MSRA: variants seen among roughly 807,000 people sequenced by gnomAD.
MSRA encodes methionine sulfoxide reductase A, also known as mitochondrial peptide methionine sulfoxide reductase.
In MSRA, 54 loss-of-function variants were observed where a neutral mutation model predicts 31.3. The ratio of observed to expected loss-of-function variants is 1.73; its 90% confidence interval spans 1.39 to 2.17. The LOEUF is 2.17. MSRA is among the 30% of genes most tolerant of loss of function. The pLI is 0.00. For missense variants in MSRA, 507 were observed against 300.9 expected, an observed-to-expected ratio of 1.69 and a Z score of -5.07; for synonymous variants, 169 against 116.5, an observed-to-expected ratio of 1.45 and a Z score of -2.90.
intron 1 of MSRA, among the ~76,000 whole-genome samples, chr8:10,097,516 A>G (rs919616276): frequency 1.3e-5 from 2 of 152,250 alleles, no homozygotes; most frequent in South Asian, 2.1e-4. Context: ...TCAGCAAACA[A>G]GTTTAAATTG....
intron 1 of MSRA, among the ~76,000 whole-genome samples, chr8:10,069,237 G>C (rs926624879): frequency 6.6e-6 from 1 of 152,044 alleles, no homozygotes; most frequent in Non-Finnish European, 1.5e-5. Flanking sequence ...TTCCCAATCT[G>C]TACACCTTTT....
intron 1 of MSRA, among the ~76,000 whole-genome samples, chr8:10,128,443 G>C (rs1801657818): frequency 6.6e-6 from 1 of 152,084 alleles, no homozygotes; most frequent in South Asian, 2.1e-4. Flanking sequence ...AACACGTTCA[G>C]GATCATATAC....
At chr8:10,412,116 C>T (rs189917881) in intron 5 of MSRA, among the ~76,000 whole-genome samples, 11 of 152,268 alleles carry the variant, frequency 7.2e-5, no homozygotes, top group Admixed American at 6.5e-4. Context: ...ATTTTTTTCG[C>T]CATTCATAAA....
chr8:10,427,251 G>T (rs1251169511), intron 5 of MSRA, among the ~76,000 whole-genome samples: 2 of 152,206 alleles, frequency 1.3e-5, no homozygotes, highest in Non-Finnish European at 2.9e-5. Flanking sequence ...CATGCTTCAA[G>T]CAGCCTGCAA....
intron 3 of MSRA, among the ~76,000 whole-genome samples, chr8:10,270,986 A>G (rs1014292820): frequency 9.2e-5 from 14 of 151,488 alleles, no homozygotes; most frequent in South Asian, 2.1e-4. Context: ...GCTTTATTTT[A>G]TTTCAAACCC....
At chr8:10,089,383 A>T (rs1798747731) in intron 1 of MSRA, among the ~76,000 whole-genome samples, 1 of 152,216 alleles carries the variant, frequency 6.6e-6, no homozygotes, top group Non-Finnish European at 1.5e-5. Context: ...TTTGAGCTTG[A>T]ATCAAAAGGT....
At chr8:10,257,027 C>G (rs7001567) in intron 3 of MSRA, among the ~76,000 whole-genome samples, 5,325 of 152,170 alleles carry the variant, frequency 0.035, 295 homozygotes, top group African/African-American at 0.12. Flanking sequence ...ATATATTGTA[C>G]CCAGCATTTT....
chr8:10,227,077 C>T (rs1239554106), intron 2 of MSRA, among the ~76,000 whole-genome samples: 2 of 152,182 alleles, frequency 1.3e-5, no homozygotes, highest in Non-Finnish European at 2.9e-5. Context: ...TGTGGCTCCA[C>T]TGTCCTTCAG....
At chr8:10,098,786 T>G (rs542934084) in intron 1 of MSRA, among the ~76,000 whole-genome samples, 59 of 152,326 alleles carry the variant, frequency 3.9e-4, no homozygotes, top group African/African-American at 1.4e-3. Context: ...GACAGACATG[T>G]AAAATAAGCA....
chr8:10,064,287 G>C (rs1797349331), intron 1 of MSRA, among the ~76,000 whole-genome samples: 1 of 152,190 alleles, frequency 6.6e-6, no homozygotes, highest in African/African-American at 2.4e-5. Context: ...AGACCTGCGT[G>C]TCCTCTGGGT....
intron 5 of MSRA, among the ~76,000 whole-genome samples, chr8:10,417,321 G>T (rs955647451): frequency 6.6e-6 from 1 of 152,014 alleles, no homozygotes; most frequent in Non-Finnish European, 1.5e-5. Context: ...AGTGATTGAT[G>T]ACTCACAGGG....
intron 4 of MSRA, 56 bp downstream of exon 4, chr8:10,301,694 T>C: frequency 1.4e-6 from 2 of 1,418,872 alleles, no homozygotes; most frequent in Non-Finnish European, 9.9e-7. Context: ...GCTGGGATAA[T>C]TAGTGTTTGA....
intron 1 of MSRA, among the ~76,000 whole-genome samples, chr8:10,099,962 T>A (rs1799425916): frequency 6.6e-6 from 1 of 152,118 alleles, no homozygotes; most frequent in Non-Finnish European, 1.5e-5. Context: ...GTTTAAAGTG[T>A]TTCTTTTGAG....
chr8:10,083,401 C>A (rs1798387952), intron 1 of MSRA, among the ~76,000 whole-genome samples: 1 of 152,124 alleles, frequency 6.6e-6, no homozygotes, highest in Admixed American at 6.5e-5. Context: ...TCTTGGGTAT[C>A]TTAAGAGAAA....
intron 5 of MSRA, among the ~76,000 whole-genome samples, chr8:10,355,369 G>C (rs1335199748): frequency 3.9e-5 from 6 of 152,234 alleles, no homozygotes; most frequent in Non-Finnish European, 8.8e-5. Flanking sequence ...TATGACATTT[G>C]CCGAGTAGGC....
intron 2 of MSRA, among the ~76,000 whole-genome samples, chr8:10,240,735 C>G (rs1304427918): frequency 1.3e-5 from 2 of 152,124 alleles, no homozygotes; most frequent in African/African-American, 4.8e-5. Flanking sequence ...TTCCCTTACC[C>G]CTGTCTTTCC....
At chr8:10,144,483 T>C (rs1178121862) in intron 1 of MSRA, among the ~76,000 whole-genome samples, 1 of 152,208 alleles carries the variant, frequency 6.6e-6, no homozygotes, top group African/African-American at 2.4e-5. Flanking sequence ...ATCAGTGTTG[T>C]ATAGGTGTTT....
chr8:10,081,154 G>C (rs1291486269), intron 1 of MSRA, among the ~76,000 whole-genome samples: 2 of 152,226 alleles, frequency 1.3e-5, no homozygotes, highest in Non-Finnish European at 2.9e-5. Context: ...CACAGCAACA[G>C]CAGGAAGGGG....
intron 3 of MSRA, among the ~76,000 whole-genome samples, chr8:10,283,936 A>G (rs1248807489): frequency 6.7e-6 from 1 of 149,688 alleles, no homozygotes; most frequent in Non-Finnish European, 1.5e-5. Flanking sequence ...GCATTTTGCA[A>G]TTGTGAATTG....
Sources: allele counts gnomAD v4.1 joint callset (sites outside exome capture counted in the v4.1 genomes callset), GRCh38; gene constraint gnomAD v4.1.1; transcripts MANE v1.5; gene names NCBI Gene and HGNC (gene_info 2026-07-23, HGNC 2026-07-21).